The following NEGR1 variants were observed in gnomAD, a reference collection of about 807,000 sequenced individuals.
The protein encoded by NEGR1 is IgLON family member 4.
A neutral mutation model predicts 40.9 loss-of-function variants in NEGR1; 10 were observed. That is an observed-to-expected ratio of 0.24 (90% CI 0.15 to 0.42). The LOEUF (loss-of-function observed/expected upper bound fraction) is 0.42. Among genes scored for constraint, NEGR1 ranks in the 10% least tolerant of loss-of-function variants. The pLI, the probability that NEGR1 is intolerant of heterozygous loss-of-function variation, is 1.00. For missense variants in NEGR1, 352 were observed against 438.9 expected (o/e 0.80, Z 1.77); for synonymous variants, 185 against 166.8 (o/e 1.11, Z -0.84).
At chr1:71,955,697 T>C (rs527737501) in intron 1 of NEGR1, among the ~76,000 whole-genome samples, 31 of 152,300 alleles carry the variant, frequency 2.0e-4, no homozygotes, top group Admixed American at 6.6e-4. Context: ...GAGTTTAACA[T>C]TGGGAATTAT....
At chr1:71,813,504 A>G (rs998428674) in intron 2 of NEGR1, among the ~76,000 whole-genome samples, 1 of 152,108 alleles carries the variant, frequency 6.6e-6, no homozygotes, top group Non-Finnish European at 1.5e-5. Context: ...ATAGCATTGA[A>G]TCTATAAATT....
At chr1:71,797,947 A>G (rs1214942507) in intron 2 of NEGR1, 1 of 151,832 alleles carries the variant, frequency 6.6e-6, no homozygotes, top group Non-Finnish European at 1.5e-5. Flanking sequence ...TGCAGAAAGT[A>G]CTCAACTATA....
chr1:71,553,954 A>G (rs1354863338), intron 6 of NEGR1, among the ~76,000 whole-genome samples: 1 of 151,566 alleles, frequency 6.6e-6, no homozygotes, highest in Non-Finnish European at 1.5e-5. Flanking sequence ...TTTAAAAAAT[A>G]AGAGTTAATA....
intron 6 of NEGR1, among the ~76,000 whole-genome samples, chr1:71,542,288 G>A (rs17091350): frequency 0.24 from 36,301 of 151,542 alleles, 5,630 homozygotes; most frequent in East Asian, 0.61. Flanking sequence ...TTCCATATTC[G>A]AATCATATGC....
At chr1:71,691,486 C>T (rs1214835354) in intron 4 of NEGR1, among the ~76,000 whole-genome samples, 1 of 151,598 alleles carries the variant, frequency 6.6e-6, no homozygotes, top group African/African-American at 2.4e-5. Context: ...TTTTGGTTGG[C>T]ATTGTTCTCA....
At chr1:71,558,369 A>G (rs1648323759) in intron 6 of NEGR1, among the ~76,000 whole-genome samples, 1 of 151,572 alleles carries the variant, frequency 6.6e-6, no homozygotes. Context: ...TCTTTAAAAT[A>G]TTGCCTAATT....
chr1:71,677,306 C>G (rs963605803), intron 4 of NEGR1, among the ~76,000 whole-genome samples: 1 of 152,114 alleles, frequency 6.6e-6, no homozygotes, highest in Admixed American at 6.6e-5. Context: ...ACCACCCAGA[C>G]AGCATTATCT....
chr1:71,723,601 G>A (rs1285319767), intron 3 of NEGR1, among the ~76,000 whole-genome samples: 2 of 151,912 alleles, frequency 1.3e-5, no homozygotes, highest in East Asian at 3.9e-4. Flanking sequence ...CCACAGAGAC[G>A]GAAGTTTCTG....
chr1:71,532,478 G>T (rs1395280780), intron 6 of NEGR1, among the ~76,000 whole-genome samples: 1 of 151,536 alleles, frequency 6.6e-6, no homozygotes, highest in African/African-American at 2.4e-5. Flanking sequence ...ATACCTTCTT[G>T]CTTCATAATG....
At chr1:71,809,175 T>C (rs554715775) in intron 2 of NEGR1, among the ~76,000 whole-genome samples, 1 of 152,314 alleles carries the variant, frequency 6.6e-6, no homozygotes, top group South Asian at 2.1e-4. Context: ...TTTATTCGTG[T>C]TGCAAAAGAG....
At chr1:71,716,601 A>C (rs1367135112) in intron 3 of NEGR1, among the ~76,000 whole-genome samples, 5 of 152,344 alleles carry the variant, frequency 3.3e-5, no homozygotes, top group African/African-American at 1.2e-4. Flanking sequence ...ACAACACAAT[A>C]TAATTTTATT....
At chr1:72,266,983 C>T (rs1305112620) in intron 1 of NEGR1, among the ~76,000 whole-genome samples, 1 of 150,906 alleles carries the variant, frequency 6.6e-6, no homozygotes, top group Non-Finnish European at 1.5e-5. Context: ...TATCAGAAAA[C>T]TTTGATGTTG....
At chr1:71,717,445 T>C (rs986340402) in intron 3 of NEGR1, among the ~76,000 whole-genome samples, 1 of 152,214 alleles carries the variant, frequency 6.6e-6, no homozygotes, top group Non-Finnish European at 1.5e-5. Flanking sequence ...CTTTTCTGCC[T>C]TGTGAAACAG....
intron 1 of NEGR1, among the ~76,000 whole-genome samples, chr1:71,992,250 C>T (rs933376777): frequency 6.6e-6 from 1 of 151,720 alleles, no homozygotes; most frequent in Non-Finnish European, 1.5e-5. Flanking sequence ...AATTAAATTA[C>T]AATAATATTT....
At chr1:71,618,190 C>T (rs1650503408) in intron 4 of NEGR1, among the ~76,000 whole-genome samples, 1 of 152,178 alleles carries the variant, frequency 6.6e-6, no homozygotes, top group African/African-American at 2.4e-5. Flanking sequence ...TCTTGCTCAG[C>T]TTTCGAAAGA....
At chr1:72,110,130 A>T (rs565430738) in intron 1 of NEGR1, among the ~76,000 whole-genome samples, 1 of 151,164 alleles carries the variant, frequency 6.6e-6, no homozygotes, top group Non-Finnish European at 1.5e-5. Flanking sequence ...GGAGACAAAA[A>T]GGAAGTATTA....
At chr1:72,078,680 C>T (rs1209967656) in intron 1 of NEGR1, among the ~76,000 whole-genome samples, 1 of 146,996 alleles carries the variant, frequency 6.8e-6, no homozygotes, top group Admixed American at 6.8e-5. Context: ...ATTCTTATTG[C>T]CCAGGCTGGA....
At chr1:72,201,707 T>G (rs565706684) in intron 1 of NEGR1, among the ~76,000 whole-genome samples, 2 of 151,988 alleles carry the variant, frequency 1.3e-5, no homozygotes, top group Admixed American at 6.6e-5. Flanking sequence ...TCAGTGAAAT[T>G]CAGGGTATGT....
chr1:71,962,453 A>G (rs979061111), intron 1 of NEGR1, among the ~76,000 whole-genome samples: 1 of 152,068 alleles, frequency 6.6e-6, no homozygotes, highest in African/African-American at 2.4e-5. Context: ...GAACATTTAC[A>G]AAAGAAATTA....
Sources: gnomAD v4.1 joint callset for allele counts (sites outside exome capture counted in the v4.1 genomes callset) on GRCh38, gnomAD v4.1.1 for gene constraint, MANE v1.5 for transcripts, NCBI Gene and HGNC (gene_info 2026-07-23, HGNC 2026-07-21) for gene names.